Variants in RGS18 observed in about 807,000 individuals in gnomAD.
RGS18 encodes the protein regulator of G protein signaling 18.
Under a neutral mutation model 27.6 loss-of-function variants are expected in RGS18, and 22 were observed. The observed-to-expected ratio is 0.80, with a 90% CI of 0.57 to 1.14. The LOEUF is 1.14. Among genes scored for constraint, RGS18 ranks in the 50% most tolerant of loss-of-function variants. The probability of loss-of-function intolerance (pLI) is 0.00; values close to 1 mark genes in which losing one functional copy is unlikely to be tolerated. For synonymous variants in RGS18, 89 were observed against 84.6 expected, an observed-to-expected ratio of 1.05 and a Z score of -0.29; for missense variants, 299 against 269.6, an observed-to-expected ratio of 1.11 and a Z score of -0.76.
chr1:192,172,884 A>ATAAATAT (rs758940898), intron 3 of RGS18, among the ~76,000 whole-genome samples: 6 of 97,510 alleles, frequency 6.2e-5, no homozygotes, highest in South Asian at 3.1e-4. Context: ...TATATATATA[A>ATAAATAT]ATATATATAT....
rs150351532 is a variant in RGS18, at chr1:192,166,083, T to A, written c.283+5644T>A. Among the ~76,000 whole-genome samples, 4 of 152,318 alleles carry A rather than the reference T, an allele frequency of 2.6e-5. No individual in the cohort carries two copies. The East Asian group carries it at 7.7e-4, about 29-fold the overall frequency. On this transcript the variant is annotated intron_variant, in intron 3 of 4. Coordinates refer to ENST00000367460, the MANE Select transcript of RGS18 (RefSeq NM_130782.3). ...ATTTTATCAGTTTGAACTTATAAAA[T>A]CAGTTGATGCCAATAAAATATAGAG...
intron 3 of RGS18, among the ~76,000 whole-genome samples, chr1:192,166,205 A>G (rs1160048949): frequency 2.0e-5 from 3 of 152,174 alleles, no homozygotes; most frequent in African/African-American, 7.2e-5. Flanking sequence ...GCTGCATAAC[A>G]CATAACTTCT....
intron 3 of RGS18, among the ~76,000 whole-genome samples, chr1:192,170,528 C>A (rs1375498037): frequency 1.3e-5 from 2 of 152,028 alleles, no homozygotes; most frequent in African/African-American, 4.8e-5. Context: ...CTAAATAAAT[C>A]TATGTTCTTT....
intron 3 of RGS18, among the ~76,000 whole-genome samples, chr1:192,179,974 C>A (rs752732275): frequency 6.6e-6 from 1 of 151,562 alleles, no homozygotes. Flanking sequence ...TACACGGGGT[C>A]TCTCCTAGGA....
At chr1:192,181,983 A>G (rs1656464805) in intron 4 of RGS18, among the ~76,000 whole-genome samples, 1 of 151,628 alleles carries the variant, frequency 6.6e-6, no homozygotes, top group South Asian at 2.1e-4. Flanking sequence ...TTCACTTAAC[A>G]TAATGTCCTC....
rs925385481 is a variant in RGS18, at chr1:192,184,614, A to T, written c.*60A>T. Reference sequence around the variant, plus strand: ...TATACATCTGCTTCTAACATATCGCATGTTTATGTTAAGATTTGGTCCCAT... The same window carrying T: ...TATACATCTGCTTCTAACATATCGCTTGTTTATGTTAAGATTTGGTCCCAT... On this transcript the variant is annotated 3_prime_UTR_variant, in exon 5 of 5. Transcript: ENST00000367460. The T allele has an allele frequency of 2.8e-5, 41 of 1,466,738 alleles. No individual in the cohort carries two copies. Among genetic ancestry groups the T allele is most frequent in the Non-Finnish European group, 3.8e-5 (40 of 1,062,528 alleles). 90.9% of individuals were successfully genotyped at this position (1,466,738 alleles called of 1,614,324 possible). A position where few individuals can be genotyped will look rare whatever the true frequency, so the allele number is the denominator to read the frequency against.
intron 3 of RGS18, among the ~76,000 whole-genome samples, chr1:192,176,515 G>A (rs1299890384): frequency 6.6e-6 from 1 of 151,484 alleles, no homozygotes. Context: ...ATTTTTTCTA[G>A]TTTTATAGTT....
intron 3 of RGS18, among the ~76,000 whole-genome samples, chr1:192,175,662 GTCT>G (rs1164640710): frequency 4.6e-5 from 7 of 151,786 alleles, no homozygotes; most frequent in Admixed American, 4.6e-4. Context: ...CATAGCATCT[GTCT>G]TCTTCTAGAC....
chr1:192,177,843 TA>T (rs1271280372), intron 3 of RGS18, among the ~76,000 whole-genome samples: 2 of 151,702 alleles, frequency 1.3e-5, no homozygotes, highest in African/African-American at 4.8e-5. Flanking sequence ...TAAATCAGTG[TA>T]AAAACATAGT....
At chr1:192,167,874 G>A (rs756423616) in intron 3 of RGS18, 5 of 152,142 alleles carry the variant, frequency 3.3e-5, no homozygotes, top group Non-Finnish European at 7.3e-5. Context: ...AAGAAACAAT[G>A]CAACTTATTA....
At chr1:192,177,568 A>G (rs986656878) in intron 3 of RGS18, among the ~76,000 whole-genome samples, 1 of 151,756 alleles carries the variant, frequency 6.6e-6, no homozygotes, top group Non-Finnish European at 1.5e-5. Flanking sequence ...CAACTGCAGT[A>G]CAATATTTTA....
In RGS18 at chr1:192,162,848, C is replaced by G. The variant is rs536761849; in HGVS notation, c.283+2409C>G. Among the ~76,000 whole-genome samples the G allele has an allele frequency of 3.3e-5, 5 of 152,036 alleles. No individual in the cohort carries two copies. The South Asian group carries it at 8.3e-4, about 25-fold the overall frequency. ...CCAGTCAGAGAAGGAGAAAAGAAAA[C>G]AAAACAACAACAACAAAAAAAGAGG... On this transcript the variant is annotated intron_variant, in intron 3 of 4. Transcript: ENST00000367460.
chr1:192,180,180 T>A (rs1320409973), intron 3 of RGS18, among the ~76,000 whole-genome samples: 1 of 151,596 alleles, frequency 6.6e-6, no homozygotes, highest in Non-Finnish European at 1.5e-5. Context: ...AAATGTCATC[T>A]TAGTGAGCCT....
chr1:192,166,376 T>G (rs1267238753), intron 3 of RGS18, among the ~76,000 whole-genome samples: 1 of 152,102 alleles, frequency 6.6e-6, no homozygotes, highest in East Asian at 1.9e-4. Context: ...ACTAAGAGAT[T>G]TTGACATGAT....
intron 3 of RGS18, chr1:192,163,311 G>A (rs933377552): frequency 5.3e-5 from 8 of 152,020 alleles, no homozygotes; most frequent in African/African-American, 1.9e-4. Flanking sequence ...ATCAATTAGA[G>A]GGTGAAAATT....
intron 3 of RGS18, among the ~76,000 whole-genome samples, chr1:192,162,748 C>A (rs1656095691): frequency 6.6e-6 from 1 of 152,086 alleles, no homozygotes; most frequent in South Asian, 2.1e-4. Flanking sequence ...TAATTCATGT[C>A]CCCCAAATGT....
At chr1:192,173,379 C>T (rs1162701239) in intron 3 of RGS18, among the ~76,000 whole-genome samples, 2 of 151,848 alleles carry the variant, frequency 1.3e-5, no homozygotes, top group Non-Finnish European at 2.9e-5. Context: ...ATTTTCTTCA[C>T]TTCCTTCTTA....
intron 4 of RGS18, among the ~76,000 whole-genome samples, chr1:192,183,808 C>T (rs1206953970): frequency 6.6e-6 from 1 of 151,598 alleles, no homozygotes; most frequent in Admixed American, 6.6e-5. Context: ...ATATCTGAGC[C>T]TAGGTAATTT....
intron 3 of RGS18, among the ~76,000 whole-genome samples, chr1:192,177,145 C>T (rs1360902884): frequency 6.6e-6 from 1 of 151,700 alleles, no homozygotes; most frequent in Non-Finnish European, 1.5e-5. Context: ...AAGCATGAAA[C>T]TAGAATATTA....
Sources: gnomAD v4.1 joint callset for allele counts (sites outside exome capture counted in the v4.1 genomes callset) on GRCh38, gnomAD v4.1.1 for gene constraint, MANE v1.5 for transcripts, NCBI Gene and HGNC (gene_info 2026-07-23, HGNC 2026-07-21) for gene names.